Variants in FKTN observed in about 807,000 individuals in gnomAD.
FKTN encodes the protein fukutin, also known as ribitol-5-phosphate transferase FKTN.
In FKTN, 47 loss-of-function variants were observed where a neutral mutation model predicts 58.6. The ratio of observed to expected loss-of-function variants is 0.80; its 90% CI spans 0.63 to 1.02. FKTN has a LOEUF of 1.02. Ranked by LOEUF, FKTN falls within the 50% of genes least tolerant of loss-of-function variation. FKTN has a pLI of 0.00. For missense variants in FKTN, 516 were observed against 537.3 expected, an observed-to-expected ratio of 0.96 and a Z score of 0.39; for synonymous variants, 178 against 191.9, an observed-to-expected ratio of 0.93 and a Z score of 0.60.
rs370082192 is a variant in FKTN, at chr9:105,580,900, G to A, written c.105+5763G>A. Among the ~76,000 whole-genome samples, 18 of 75,218 alleles carry A rather than the reference G, an allele frequency of 2.4e-4. No individual in the cohort carries two copies. In the East Asian group the frequency reaches 5.1e-3, roughly 21 times the overall value. The allele number at this position is 75,218 out of a possible 152,430, so 49.3% of individuals were successfully genotyped here. A position where few individuals can be genotyped will look rare whatever the true frequency, so the allele number is the denominator to read the frequency against. On this transcript the variant is annotated intron_variant, in intron 3 of 10. Coordinates refer to ENST00000357998, the MANE Select transcript of FKTN (RefSeq NM_001079802.2). ...CTTTTTTCTCTAAACTTCCCTTCTCGCTTCATTTCATTCATTTCATCTTCC... is the reference window on the plus strand; with the variant it reads ...CTTTTTTCTCTAAACTTCCCTTCTCACTTCATTTCATTCATTTCATCTTCC...
intron 3 of FKTN, among the ~76,000 whole-genome samples, chr9:105,578,634 T>G (rs1283528964): frequency 6.6e-6 from 1 of 152,094 alleles, no homozygotes; most frequent in African/African-American, 2.4e-5. Context: ...AAATTCTCTT[T>G]TTTTGTTGAG....
chr9:105,636,591 T>G lies in FKTN; in HGVS notation c.*1327T>G, dbSNP rs1312920578. ...TGCTGTTTACCCCATCTCTCTCTTATATCACTTGAATGATATATTGTAAGT... is the reference window on the plus strand; with the variant it reads ...TGCTGTTTACCCCATCTCTCTCTTAGATCACTTGAATGATATATTGTAAGT... On this transcript the variant is annotated 3_prime_UTR_variant, in exon 11 of 11. Transcript: ENST00000357998. 5.4e-6 allele frequency: 6 copies of G among 1,118,192 alleles called. No individual in the cohort carries two copies. The highest frequency in any genetic ancestry group is 6.8e-6 in the Non-Finnish European group (6 of 888,278). The allele number at this position is 1,118,192 out of a possible 1,614,324, so 69.3% of individuals were successfully genotyped here.
At chr9:105,635,002 G>C (rs1465580155) in intron 10 of FKTN, 49 bp from the exon 11 acceptor site, 1 of 1,497,854 alleles carries the variant, frequency 6.7e-7, no homozygotes, top group Admixed American at 1.7e-5. Context: ...AGATTCCTTA[G>C]CTAGACCTTC....
At chr9:105,599,472 T>G (rs565007744) in intron 4 of FKTN, among the ~76,000 whole-genome samples, 1 of 149,394 alleles carries the variant, frequency 6.7e-6, no homozygotes, top group South Asian at 2.1e-4. Flanking sequence ...TTGTCAGGTT[T>G]TGCTTTTTTT....
chr9:105,582,701 C>T (rs578210502), intron 3 of FKTN, among the ~76,000 whole-genome samples: 76 of 152,216 alleles, frequency 5.0e-4, no homozygotes, highest in Admixed American at 2.1e-3. Flanking sequence ...TCAACCCTTT[C>T]CTCATTATTT....
intron 1 of FKTN, among the ~76,000 whole-genome samples, chr9:105,568,437 A>G (rs1227080303): frequency 6.6e-6 from 1 of 152,318 alleles, no homozygotes; most frequent in Admixed American, 6.5e-5. Flanking sequence ...AACTCAAACA[A>G]ATTTACAAGA....
Position 105,637,071 on chromosome 9 carries a change from C to G in FKTN, c.*1807C>G, listed in dbSNP as rs1397146597. ...GAAAATCAGCCCATAGAGTGCATTC[C>G]CAAATTCTAAATAGCTGACCCTAAA... On this transcript the variant is annotated 3_prime_UTR_variant, in exon 11 of 11. Coordinates refer to ENST00000357998, the MANE Select transcript of FKTN (RefSeq NM_001079802.2). The G allele has an allele frequency of 1.0e-6, 1 of 987,834 alleles. No individual in the cohort carries two copies. The highest frequency in any genetic ancestry group is 1.2e-6 in the Non-Finnish European group (1 of 830,458). 61.2% of individuals were successfully genotyped at this position (987,834 alleles called of 1,614,324 possible).
chr9:105,626,432 G>C (rs1832748533), intron 10 of FKTN, among the ~76,000 whole-genome samples: 1 of 152,074 alleles, frequency 6.6e-6, no homozygotes, highest in Non-Finnish European at 1.5e-5. Context: ...AGCTCCCTTA[G>C]GCCTTTTTTA....
In FKTN at chr9:105,607,877, A is replaced by G. The variant is rs886042241; in HGVS notation, c.706A>G (p.Met236Val). Residue 236 changes from methionine (M) to valine (V), a missense_variant, in exon 7 of 11, where the codon ATG (methionine) becomes GTG (valine). By Grantham distance (21) the Met-to-Val change is conservative. Coordinates refer to ENST00000357998, the MANE Select transcript of FKTN (RefSeq NM_001079802.2). ...GLEVLIPKDPMHFVEEVPHSR... is the reference protein window; with the variant it reads ...GLEVLIPKDPVHFVEEVPHSR... ...GGAAGTTCTCATTCCAAAGGATCCAATGCACTTTGTAGAAGAAGTACCACA... is the reference window on the plus strand; with the variant it reads ...GGAAGTTCTCATTCCAAAGGATCCAGTGCACTTTGTAGAAGAAGTACCACA... 2.3e-5 allele frequency: 37 copies of G among 1,611,570 alleles called. No homozygotes were observed. Among genetic ancestry groups the G allele is most frequent in the Non-Finnish European group, 2.7e-5 (32 of 1,177,958 alleles).
intron 3 of FKTN, among the ~76,000 whole-genome samples, chr9:105,584,437 C>A (rs1007410539): frequency 6.6e-6 from 1 of 151,876 alleles, no homozygotes; most frequent in Non-Finnish European, 1.5e-5. Flanking sequence ...ATTATTCATA[C>A]TAGATTCTTG....
chr9:105,610,327 T>TCTGTG (rs1360639354), intron 7 of FKTN, among the ~76,000 whole-genome samples: 1 of 152,074 alleles, frequency 6.6e-6, no homozygotes, highest in African/African-American at 2.4e-5. Flanking sequence ...GGTGTATATG[T>TCTGTG]CTGTGTGTAT....
At chr9:105,604,540 C>G in intron 6 of FKTN, 48 bp downstream of exon 6, 1 of 1,471,356 alleles carries the variant, frequency 6.8e-7, no homozygotes, top group Non-Finnish European at 9.5e-7. Context: ...GTTGTTCAGT[C>G]ATAATTCTTG....
chr9:105,632,844 A>G (rs1295187914), intron 10 of FKTN, among the ~76,000 whole-genome samples: 4 of 152,226 alleles, frequency 2.6e-5, no homozygotes, highest in Non-Finnish European at 4.4e-5. Flanking sequence ...ACCTGTTCAC[A>G]TGCTGGATCC....
intron 3 of FKTN, among the ~76,000 whole-genome samples, chr9:105,591,988 G>A (rs1467198256): frequency 6.6e-6 from 1 of 152,240 alleles, no homozygotes; most frequent in African/African-American, 2.4e-5. Flanking sequence ...GGAATGCAGG[G>A]AGCAGTGTCT....
chr9:105,601,789 A>G (rs1827917376), intron 5 of FKTN, among the ~76,000 whole-genome samples: 1 of 152,206 alleles, frequency 6.6e-6, no homozygotes, highest in Non-Finnish European at 1.5e-5. Context: ...TCATAGAAAA[A>G]GCCTACAAGG....
chr9:105,567,737 G>A (rs938177431), intron 1 of FKTN, among the ~76,000 whole-genome samples: 19 of 152,240 alleles, frequency 1.2e-4, no homozygotes, highest in African/African-American at 1.7e-4. Context: ...TATAGATTCA[G>A]TGCCATCCCC....
intron 1 of FKTN, among the ~76,000 whole-genome samples, chr9:105,565,686 A>G (rs968867407): frequency 1.6e-4 from 25 of 152,220 alleles, no homozygotes; most frequent in African/African-American, 4.8e-4. Context: ...TTAGACTCCC[A>G]TACAATAATA....
At chr9:105,563,166 C>G (rs1202075028) in intron 1 of FKTN, among the ~76,000 whole-genome samples, 1 of 152,184 alleles carries the variant, frequency 6.6e-6, no homozygotes, top group Non-Finnish European at 1.5e-5. Context: ...AAAGAATATG[C>G]AGTGGGGTTC....
chr9:105,586,570 C>T (rs149080091), intron 3 of FKTN, among the ~76,000 whole-genome samples: 13 of 152,268 alleles, frequency 8.5e-5, no homozygotes, highest in Non-Finnish European at 1.6e-4. Context: ...AGAACACAGG[C>T]CCTACTCATG....
Sources: gnomAD v4.1 joint callset for allele counts (sites outside exome capture counted in the v4.1 genomes callset) on GRCh38, gnomAD v4.1.1 for gene constraint, MANE v1.5 for transcripts, NCBI Gene and HGNC (gene_info 2026-07-23, HGNC 2026-07-21) for gene names.